KYAT1: variants seen among roughly 807,000 people sequenced by gnomAD.
The protein encoded by KYAT1 is kynurenine aminotransferase 1, also known as kynurenine--oxoglutarate transaminase 1.
Under a neutral mutation model 52.4 loss-of-function variants are expected in KYAT1, and 47 were observed. The ratio of observed to expected loss-of-function variants is 0.90; its 90% CI spans 0.71 to 1.14. The LOEUF (loss-of-function observed/expected upper bound fraction) is 1.14, where lower values mean the gene tolerates loss of function less well. Ranked by LOEUF, KYAT1 falls within the 50% of genes most tolerant of loss-of-function variation. KYAT1 has a pLI of 0.00. For synonymous variants in KYAT1, 212 were observed against 209.6 expected, an observed-to-expected ratio of 1.01 and a Z score of -0.10; for missense variants, 480 against 557.9, an observed-to-expected ratio of 0.86 and a Z score of 1.41.
intron 1 of KYAT1, chr9:128,847,512 G>A: frequency 6.5e-7 from 1 of 1,535,842 alleles, no homozygotes; most frequent in Non-Finnish European, 8.7e-7. Context: ...AGAGATGGCT[G>A]CTGCAGTCCT....
intron 1 of KYAT1, among the ~76,000 whole-genome samples, chr9:128,866,891 G>A (rs1836469904): frequency 6.6e-6 from 1 of 151,510 alleles, no homozygotes; most frequent in South Asian, 2.1e-4. Context: ...GGGTGACAGA[G>A]CGAGACTCTG....
At chr9:128,835,965 G>T in intron 8 of KYAT1, 32 bp downstream of exon 8, 3 of 1,593,642 alleles carry the variant, frequency 1.9e-6, no homozygotes, top group Non-Finnish European at 2.6e-6. Flanking sequence ...GATCTTGCAG[G>T]GGGTGGTGAC....
chr9:128,869,110 G>T (rs1230541477), intron 1 of KYAT1, among the ~76,000 whole-genome samples: 1 of 152,066 alleles, frequency 6.6e-6, no homozygotes, highest in Non-Finnish European at 1.5e-5. Flanking sequence ...AAAGTGCTGG[G>T]ATTACAGGTG....
chr9:128,837,011 C>T (rs1182510490), intron 6 of KYAT1, 89 bp from the exon 7 acceptor site: 5 of 1,502,948 alleles, frequency 3.3e-6, no homozygotes, highest in Admixed American at 2.0e-5. Context: ...AACACAGCTG[C>T]GGCCAGGTGC....
chr9:128,858,910 A>G (rs1835059720), intron 1 of KYAT1, among the ~76,000 whole-genome samples: 1 of 149,232 alleles, frequency 6.7e-6, no homozygotes, highest in Non-Finnish European at 1.5e-5. Flanking sequence ...CGGGAGGCTG[A>G]GGCAAGGGAA....
intron 1 of KYAT1, among the ~76,000 whole-genome samples, chr9:128,854,001 C>T (rs1050055354): frequency 6.6e-6 from 1 of 152,196 alleles, no homozygotes; most frequent in Non-Finnish European, 1.5e-5. Context: ...AAATACTTCC[C>T]ATGTTAAAAG....
intron 11 of KYAT1, among the ~76,000 whole-genome samples, chr9:128,834,773 A>T (rs550845348): frequency 2.2e-5 from 3 of 139,244 alleles, no homozygotes; most frequent in Admixed American, 1.5e-4. Context: ...TGGAGGTTGC[A>T]GTGTGCTGAG....
At chr9:128,867,276 C>T (rs1326170104) in intron 1 of KYAT1, among the ~76,000 whole-genome samples, 1 of 152,112 alleles carries the variant, frequency 6.6e-6, no homozygotes, top group Non-Finnish European at 1.5e-5. Context: ...ACCTCTGGGG[C>T]TCAAGCCATC....
In KYAT1 at chr9:128,866,780, C is replaced by T. The variant is rs575703997; in HGVS notation, c.-7+15117G>A. Among the ~76,000 whole-genome samples the T allele has an allele frequency of 2.7e-4, 41 of 151,940 alleles. 1 individual carries two copies. In the South Asian group the frequency reaches 8.5e-3, roughly 32 times the overall value. ...TAAAAAATATTAGCCGTGATGTGCGCCTGTAATCCCAGCTGCTTGGGAGGC... is the reference window on the plus strand; with the variant it reads ...TAAAAAATATTAGCCGTGATGTGCGTCTGTAATCCCAGCTGCTTGGGAGGC... On this transcript the variant is annotated intron_variant, in intron 1 of 12. Transcript: ENST00000302586.
At chr9:128,873,299 T>C (rs1837500621) in intron 1 of KYAT1, among the ~76,000 whole-genome samples, 1 of 150,322 alleles carries the variant, frequency 6.7e-6, no homozygotes, top group African/African-American at 2.5e-5. Context: ...AGCCCGGGAA[T>C]TGGAGACTAG....
chr9:128,863,398 T>C (rs529754283), intron 1 of KYAT1, among the ~76,000 whole-genome samples: 334 of 151,162 alleles, frequency 2.2e-3, no homozygotes, highest in Non-Finnish European at 4.2e-3. Context: ...TTTGGGAGGC[T>C]GAGGTGGGCA....
At position 128,837,669 on chromosome 9, in the gene KYAT1, G is replaced by A; in HGVS notation, c.567+16C>T. 1 of 1,613,898 alleles carries A rather than the reference G, an allele frequency of 6.2e-7. No individual in the cohort carries two copies. The highest frequency in any genetic ancestry group is 8.5e-7 in the Non-Finnish European group (1 of 1,179,908). ...CCAGGTCCGCAGGGGGCCAGGGAAG[G>A]AGGTCCCTCCAGTACCTTGCCCAGG... On this transcript the variant is annotated intron_variant, in intron 6 of 12. Coordinates refer to ENST00000302586, the MANE Select transcript of KYAT1 (RefSeq NM_004059.5).
chr9:128,839,949 C>T (rs1169165020), intron 3 of KYAT1, among the ~76,000 whole-genome samples: 3 of 151,904 alleles, frequency 2.0e-5, no homozygotes, highest in South Asian at 2.1e-4. Flanking sequence ...CCCAGGTACT[C>T]GGGAGGCTGA....
intron 1 of KYAT1, among the ~76,000 whole-genome samples, chr9:128,868,026 GC>G (rs1264572393): frequency 6.6e-6 from 1 of 152,088 alleles, no homozygotes; most frequent in Non-Finnish European, 1.5e-5. Flanking sequence ...ACCCGCCTTG[GC>G]CTCCCAAAGT....
At chr9:128,863,436 T>C (rs1486928087) in intron 1 of KYAT1, among the ~76,000 whole-genome samples, 14 of 151,426 alleles carry the variant, frequency 9.2e-5, no homozygotes, top group African/African-American at 3.2e-4. Flanking sequence ...AGTTCAAGAC[T>C]AGCCTGGGCA....
intron 1 of KYAT1, among the ~76,000 whole-genome samples, chr9:128,868,266 G>A (rs1192675339): frequency 4.0e-5 from 6 of 149,754 alleles, no homozygotes; most frequent in East Asian, 4.0e-4. Context: ...AGCCTCTGCC[G>A]ATTCTTGTGC....
intron 3 of KYAT1, chr9:128,840,575 A>T (rs959914712): frequency 1.7e-5 from 7 of 424,044 alleles, no homozygotes; most frequent in African/African-American, 1.5e-4. Context: ...AAAGAAAAAA[A>T]AAAGAAAGAA....
chr9:128,842,189 T>A (rs1208869648), intron 3 of KYAT1: 1 of 240,924 alleles, frequency 4.2e-6, no homozygotes, highest in Non-Finnish European at 8.7e-6. Flanking sequence ...TGAGACCTTG[T>A]CTCAAAAAAG....
intron 1 of KYAT1, among the ~76,000 whole-genome samples, chr9:128,873,695 G>A (rs901639601): frequency 2.6e-5 from 4 of 151,872 alleles, no homozygotes; most frequent in Non-Finnish European, 4.4e-5. Flanking sequence ...CAGGAGAATC[G>A]CTTGAACCCG....
Sources: gnomAD v4.1 joint callset for allele counts (sites outside exome capture counted in the v4.1 genomes callset) on GRCh38, gnomAD v4.1.1 for gene constraint, MANE v1.5 for transcripts, NCBI Gene and HGNC (gene_info 2026-07-23, HGNC 2026-07-21) for gene names.